Variants in UGT1A10 observed in about 807,000 individuals in gnomAD.
The protein encoded by UGT1A10 is UDP glucuronosyltransferase family 1 member A10.
A neutral mutation model predicts 45.8 loss-of-function variants in UGT1A10; 49 were observed. That is an observed-to-expected ratio of 1.07 (90% confidence interval 0.85 to 1.36). The LOEUF (loss-of-function observed/expected upper bound fraction) is 1.36. Ranked by LOEUF, UGT1A10 falls within the 40% of genes most tolerant of loss-of-function variation. The pLI is 0.00. For synonymous variants in UGT1A10, 284 were observed against 249.7 expected (o/e 1.14, Z -1.29); for missense variants, 745 against 668.6 (o/e 1.11, Z -1.26).
At chr2:233,692,888 G>T in intron 1 of UGT1A10, 1 of 1,520,238 alleles carries the variant, frequency 6.6e-7, no homozygotes. Flanking sequence ...TCAGAGCAAG[G>T]GAGAGGTAGA....
chr2:233,639,826 T>G (rs921739417), intron 1 of UGT1A10, among the ~76,000 whole-genome samples: 15 of 152,380 alleles, frequency 9.8e-5, no homozygotes, highest in African/African-American at 2.6e-4. Context: ...GTATGGTCAT[T>G]CTTTTACATT....
intron 1 of UGT1A10, among the ~76,000 whole-genome samples, chr2:233,707,461 T>C (rs1015244462): frequency 6.6e-6 from 1 of 152,148 alleles, no homozygotes; most frequent in Admixed American, 6.5e-5. Context: ...TAAATTTGCA[T>C]CTGTAAATAA....
chr2:233,648,784 G>A (rs2073668061), intron 1 of UGT1A10: 1 of 857,176 alleles, frequency 1.2e-6, no homozygotes, highest in Admixed American at 2.0e-5. Flanking sequence ...GACTTTTAAG[G>A]AGAGAGTAAG....
intron 1 of UGT1A10, among the ~76,000 whole-genome samples, chr2:233,661,636 T>TTTCTTTCTTTCTTTCTTTCC (rs1559329411): frequency 3.6e-5 from 3 of 83,346 alleles, no homozygotes; most frequent in Non-Finnish European, 6.6e-5. Context: ...TCTTTCTTTC[T>TTTCTTTCTTTCTTTCTTTCC]TTCTTTCTTT....
At chr2:233,705,685 G>A (rs917594086) in intron 1 of UGT1A10, among the ~76,000 whole-genome samples, 4 of 152,158 alleles carry the variant, frequency 2.6e-5, no homozygotes, top group Admixed American at 1.3e-4. Context: ...TATTCACAAC[G>A]ACTGGTATAA....
intron 1 of UGT1A10, among the ~76,000 whole-genome samples, chr2:233,681,226 C>T (rs1463032523): frequency 6.6e-6 from 1 of 151,832 alleles, no homozygotes; most frequent in Non-Finnish European, 1.5e-5. Context: ...GGGCAGAGGA[C>T]AAAATAAAAA....
At chr2:233,703,713 T>C (rs117258472) in intron 1 of UGT1A10, among the ~76,000 whole-genome samples, 2,672 of 152,246 alleles carry the variant, frequency 0.018, 41 homozygotes, top group South Asian at 0.042. Context: ...AAAATTTAAG[T>C]TTTAAATATA....
chr2:233,760,387 C>T (rs756175438), intron 1 of UGT1A10: 3 of 1,614,166 alleles, frequency 1.9e-6, no homozygotes, highest in Non-Finnish European at 1.7e-6. Flanking sequence ...ACTGTTGATC[C>T]CAGTGGATGG....
At chr2:233,760,867 C>T (rs767983942) in intron 1 of UGT1A10, 3 of 1,614,156 alleles carry the variant, frequency 1.9e-6, no homozygotes, top group Non-Finnish European at 2.5e-6. Flanking sequence ...CTCCTACGTG[C>T]CCAGGCCTCT....
intron 1 of UGT1A10, chr2:233,730,140 A>G (rs1239984500): frequency 2.3e-5 from 35 of 1,523,880 alleles, no homozygotes; most frequent in Non-Finnish European, 2.7e-5. Flanking sequence ...TCAGTGAGAT[A>G]AACTGTTAAG....
At chr2:233,697,646 CT>C (rs2075403503) in intron 1 of UGT1A10, among the ~76,000 whole-genome samples, 1 of 150,654 alleles carries the variant, frequency 6.6e-6, no homozygotes, top group African/African-American at 2.4e-5. Context: ...TTTTTAGTTC[CT>C]TGAGGTGCAT....
intron 1 of UGT1A10, among the ~76,000 whole-genome samples, chr2:233,722,845 CT>C (rs61550889): frequency 0.025 from 3,404 of 135,242 alleles, 237 homozygotes; most frequent in African/African-American, 0.08. Context: ...AAGAATGTTT[CT>C]TTTTTTTTTT....
At position 233,730,729 on chromosome 2, in the gene UGT1A10, C is replaced by T. The variant is rs45468195; in HGVS notation, c.856-36305C>T. ...GAATGCTGAAATTATCAAGAAATGG[C>T]GGAAGGGGCTAGGGAGGAGATAAGA... On this transcript the variant is annotated intron_variant, in intron 1 of 4. Transcript: ENST00000344644. Among the ~76,000 whole-genome samples the T allele has an allele frequency of 9.2e-3, 1,399 of 152,090 alleles. 32 individuals carry two copies. The highest frequency in any genetic ancestry group is 0.032 in the African/African-American group (1,309 of 41,466).
intron 1 of UGT1A10, among the ~76,000 whole-genome samples, chr2:233,649,817 TGTTTGGTCTTG>T (rs2073695723): frequency 1.3e-5 from 2 of 152,164 alleles, no homozygotes; most frequent in Non-Finnish European, 2.9e-5. Flanking sequence ...GTTACCATGA[TGTTTGGTCTTG>T]TCCAGTCTGC....
At chr2:233,738,799 A>T (rs560020824) in intron 1 of UGT1A10, among the ~76,000 whole-genome samples, 1 of 152,338 alleles carries the variant, frequency 6.6e-6, no homozygotes, top group African/African-American at 2.4e-5. Flanking sequence ...ATGCAGAAAT[A>T]CTAGCTAAAG....
chr2:233,751,961 T>G (rs923784516), intron 1 of UGT1A10, among the ~76,000 whole-genome samples: 8 of 152,012 alleles, frequency 5.3e-5, no homozygotes, highest in African/African-American at 1.9e-4. Context: ...TAAAGGAGAG[T>G]CTGAGAAAAG....
At chr2:233,715,485 A>T (rs1033981670) in intron 1 of UGT1A10, among the ~76,000 whole-genome samples, 2 of 152,154 alleles carry the variant, frequency 1.3e-5, no homozygotes, top group African/African-American at 4.8e-5. Context: ...TTTGAAAATG[A>T]TTTGTGTGCA....
chr2:233,681,190 C>T lies in UGT1A10; in HGVS notation c.855+43813C>T, dbSNP rs147952839. ...GCTAAGACCCTTGCTCTCTTTCCGTCGAACATGAGATGCCAATTTCTTTCT... is the reference window on the plus strand; with the variant it reads ...GCTAAGACCCTTGCTCTCTTTCCGTTGAACATGAGATGCCAATTTCTTTCT... On this transcript the variant is annotated intron_variant, in intron 1 of 4. Coordinates refer to ENST00000344644, the MANE Select transcript of UGT1A10 (RefSeq NM_019075.4). Among the ~76,000 whole-genome samples the T allele has an allele frequency of 3.9e-5, 6 of 151,964 alleles. No homozygotes were observed. In the East Asian group the frequency reaches 9.8e-4, roughly 25 times the overall value.
At chr2:233,692,066 G>GGA (rs570948190) in intron 1 of UGT1A10, 1 of 152,176 alleles carries the variant, frequency 6.6e-6, no homozygotes, top group Admixed American at 6.5e-5. Flanking sequence ...AGGGAAGAAA[G>GGA]GAGAGAGAGA....
Sources: allele counts gnomAD v4.1 joint callset (sites outside exome capture counted in the v4.1 genomes callset), GRCh38; gene constraint gnomAD v4.1.1; transcripts MANE v1.5; gene names NCBI Gene and HGNC (gene_info 2026-07-23, HGNC 2026-07-21).